NIN: variants seen among roughly 807,000 people sequenced by gnomAD.
NIN encodes the protein glycogen synthase kinase 3 beta-interacting protein.
NIN carries 137 observed loss-of-function variants against 257.6 expected under a neutral mutation model. The ratio of observed to expected loss-of-function variants is 0.53; its 90% CI spans 0.46 to 0.61. The LOEUF is 0.61. Ranked by LOEUF, NIN falls within the 20% of genes least tolerant of loss-of-function variation. The pLI is 0.00. For missense variants in NIN, 2,439 were observed against 2,501.2 expected (o/e 0.98, Z 0.53); for synonymous variants, 918 against 919.8 (o/e 1.00, Z 0.04).
intron 16 of NIN, 72 bp downstream of exon 16, chr14:50,761,718 G>C: frequency 6.4e-7 from 1 of 1,553,076 alleles, no homozygotes; most frequent in Non-Finnish European, 8.8e-7. Context: ...AAAAGAATTG[G>C]AAATGCCCTA....
chr14:50,765,622 A>G (rs1400384945), intron 14 of NIN, among the ~76,000 whole-genome samples: 2 of 151,970 alleles, frequency 1.3e-5, no homozygotes, highest in African/African-American at 4.8e-5. Flanking sequence ...TGTTACTTGT[A>G]AAAATGTTTC....
intron 15 of NIN, among the ~76,000 whole-genome samples, chr14:50,763,170 G>C (rs1390970668): frequency 6.6e-6 from 1 of 152,056 alleles, no homozygotes; most frequent in African/African-American, 2.4e-5. Context: ...ATTTATAACA[G>C]AATAACTGAT....
chr14:50,758,600 T>G lies in NIN; in HGVS notation c.2430A>C (p.Arg810Ser). Residue 810 changes from arginine (R) to serine (S), a missense_variant, in exon 18 of 31, where the codon AGA becomes AGC. Physicochemically the swap from Arg to Ser is moderately radical, Grantham distance 110 (BLOSUM62 -1). Coordinates refer to ENST00000530997, the MANE Select transcript of NIN (RefSeq NM_020921.4). ...GAAACTGGGCTTCTATTTGAGAGGT[T>G]CTTCTATTACACTCTGTTTCCATTT... ...REKMETECNR[R>S]TSQIEAQFQS... The G allele has an allele frequency of 6.3e-7, 1 of 1,592,136 alleles. No homozygotes were observed. Among genetic ancestry groups the G allele is most frequent in the Middle Eastern group, 1.7e-4 (1 of 5,948 alleles).
chr14:50,755,638 T>A lies in NIN; in HGVS notation c.4539-771A>T, dbSNP rs1489841777. ...TGTTCTAAGATAAATTTCCACTGTT[T>A]GTTTTGTCTCTTTTTTTTTTTTTTT... On this transcript the variant is annotated intron_variant, in intron 18 of 30. Coordinates refer to ENST00000530997, the MANE Select transcript of NIN (RefSeq NM_020921.4). Among the ~76,000 whole-genome samples, 3 of 147,044 alleles carry A rather than the reference T, an allele frequency of 2.0e-5. No homozygotes were observed. In the East Asian group the frequency reaches 6.0e-4, roughly 29 times the overall value.
At chr14:50,831,322 A>G (rs1165047749), upstream of NIN, among the ~76,000 whole-genome samples, 1 of 151,890 alleles carries the variant, frequency 6.6e-6, no homozygotes, top group Admixed American at 6.5e-5. Context: ...CGAGATCTGA[A>G]GTTAGAAACG....
chr14:50,728,549 G>A (rs1241383251), intron 29 of NIN, among the ~76,000 whole-genome samples: 1 of 152,196 alleles, frequency 6.6e-6, no homozygotes, highest in African/African-American at 2.4e-5. Flanking sequence ...AAGCCACTTT[G>A]AGGGGATTCA....
At chr14:50,793,150 G>A (rs1252907852) in intron 4 of NIN, among the ~76,000 whole-genome samples, 1 of 152,142 alleles carries the variant, frequency 6.6e-6, no homozygotes, top group Non-Finnish European at 1.5e-5. Context: ...CTTAATTGCA[G>A]AGGATTAAGG....
chr14:50,775,795 CTA>C (rs1449071674), intron 7 of NIN, among the ~76,000 whole-genome samples: 1 of 152,022 alleles, frequency 6.6e-6, no homozygotes, highest in East Asian at 1.9e-4. Context: ...ACCCAAGGTT[CTA>C]CATATTGCAC....
At chr14:50,818,548 G>A (rs2045043196) in intron 3 of NIN, among the ~76,000 whole-genome samples, 1 of 152,082 alleles carries the variant, frequency 6.6e-6, no homozygotes, top group Non-Finnish European at 1.5e-5. Flanking sequence ...TATATTACCC[G>A]ACTAGATTGT....
chr14:50,772,440 G>T lies in NIN; in HGVS notation c.842C>A (p.Thr281Lys). The stretch of plus-strand genomic sequence containing the variant: ...GGTACTTGTCATTGCTGATGAGGTT[G>T]TGGTACGTCGTCCACTCTCATCGAA... ...QSFDESGRRTTTSSAMTSTIG... is the reference protein window; with the variant it reads ...QSFDESGRRTKTSSAMTSTIG... The change falls in exon 9 of 31, where the codon ACA (threonine) becomes AAA (lysine). Residue 281 changes from threonine to lysine, a missense_variant. Transcript: ENST00000530997. 1 of 1,614,192 alleles carries T rather than the reference G, an allele frequency of 6.2e-7. No individual in the cohort carries two copies. The highest frequency in any genetic ancestry group is 8.5e-7 in the Non-Finnish European group (1 of 1,180,024).
chr14:50,825,176 C>T (rs572307862), intron 2 of NIN, among the ~76,000 whole-genome samples: 12 of 152,230 alleles, frequency 7.9e-5, no homozygotes, highest in Non-Finnish European at 1.5e-4. Context: ...CAAAAGAATA[C>T]CTGCAGCTAC....
At chr14:50,824,771 GA>G (rs1181376120) in intron 2 of NIN, among the ~76,000 whole-genome samples, 1 of 152,158 alleles carries the variant, frequency 6.6e-6, no homozygotes, top group African/African-American at 2.4e-5. Flanking sequence ...GAGGTCTACA[GA>G]AATGGGCATA....
Position 50,720,273 on chromosome 14 carries a change from G to A in NIN, c.*3190C>T. On this transcript the variant is annotated 3_prime_UTR_variant, in exon 31 of 31. Transcript: ENST00000530997. ...AGGTAATCCATTCAAAACATGACTTGCTTAATACTATCACAAAGCACTTAG... is the reference window on the plus strand; with the variant it reads ...AGGTAATCCATTCAAAACATGACTTACTTAATACTATCACAAAGCACTTAG... 1 of 221,834 alleles carries A rather than the reference G, an allele frequency of 4.5e-6. No homozygotes were observed. The highest frequency in any genetic ancestry group is 9.0e-6 in the Non-Finnish European group (1 of 110,938). The allele number at this position is 221,834 out of a possible 1,614,324, so 13.7% of individuals were successfully genotyped here. A position where few individuals can be genotyped will look rare whatever the true frequency, so the allele number is the denominator to read the frequency against.
intron 15 of NIN, among the ~76,000 whole-genome samples, chr14:50,763,345 T>C (rs1353335738): frequency 6.6e-6 from 1 of 152,208 alleles, no homozygotes; most frequent in South Asian, 2.1e-4. Flanking sequence ...CCCTTATTTA[T>C]CTTCTTTGTT....
Position 50,756,727 on chromosome 14 carries a change from T to C in NIN, c.4303A>G (p.Thr1435Ala). 1 of 1,551,658 alleles carries C rather than the reference T, an allele frequency of 6.4e-7. No individual in the cohort carries two copies. The highest frequency in any genetic ancestry group is 8.7e-7 in the Non-Finnish European group (1 of 1,146,994). ...TTGTCTTGAAAGCCTAGGAGAGTAG[T>C]GTTTTCCTCCAGTATAACTTGATTC... ...VQNQVILEENTTLLGFQDKHF... is the reference protein window; with the variant it reads ...VQNQVILEENATLLGFQDKHF... Residue 1435 changes from threonine to alanine, a missense_variant, in exon 18 of 31, where the codon ACT (threonine) becomes GCT (alanine). Thr to Ala is a moderately conservative substitution (Grantham distance 58). This residue lies in a region of NIN where 2,043 missense variants were observed against 2,050.2 expected (regional missense o/e 1.00). Transcript: ENST00000530997.
intron 3 of NIN, among the ~76,000 whole-genome samples, chr14:50,811,544 CTTTTTTTTTTTTT>C (rs55734117): frequency 9.3e-5 from 7 of 75,276 alleles, no homozygotes; most frequent in South Asian, 5.0e-4. Flanking sequence ...AATGGTCAAG[CTTTTTTTTTTTTT>C]TTTTTTTTTT....
At chr14:50,745,829 T>C (rs183352639) in intron 22 of NIN, among the ~76,000 whole-genome samples, 16 of 152,306 alleles carry the variant, frequency 1.1e-4, no homozygotes, top group African/African-American at 3.4e-4. Flanking sequence ...ATAACACAGA[T>C]AGAAGTGCTT....
chr14:50,746,085 A>G (rs2041524637), intron 22 of NIN, among the ~76,000 whole-genome samples: 1 of 151,098 alleles, frequency 6.6e-6, no homozygotes, highest in Non-Finnish European at 1.5e-5. Flanking sequence ...CATCCCCATC[A>G]TGTTGTTTTT....
At chr14:50,728,906 T>C (rs1405258712) in intron 29 of NIN, among the ~76,000 whole-genome samples, 4 of 152,262 alleles carry the variant, frequency 2.6e-5, no homozygotes, top group Admixed American at 2.0e-4. Context: ...TGTCACTGAC[T>C]ATACACTCTA....
Sources: gnomAD v4.1 joint callset for allele counts (sites outside exome capture counted in the v4.1 genomes callset) on GRCh38, gnomAD v4.1.1 for gene constraint, gnomAD v4.1.1 regional missense constraint, MANE v1.5 for transcripts, NCBI Gene and HGNC (gene_info 2026-07-23, HGNC 2026-07-21) for gene names.